CHPT1: variants seen among roughly 807,000 people sequenced by gnomAD.
CHPT1 encodes cholinephosphotransferase 1.
In CHPT1, 36 loss-of-function variants were observed where a neutral mutation model predicts 47.6. The observed-to-expected ratio is 0.76, with a 90% CI of 0.58 to 1.00. The LOEUF (loss-of-function observed/expected upper bound fraction) is 1.00. CHPT1 is among the 50% of genes least tolerant of loss of function. The pLI, the probability that CHPT1 is intolerant of heterozygous loss-of-function variation, is 0.00. For missense variants in CHPT1, 458 were observed against 498.1 expected, an observed-to-expected ratio of 0.92 and a Z score of 0.77; for synonymous variants, 194 against 186.3, an observed-to-expected ratio of 1.04 and a Z score of -0.33.
intron 1 of CHPT1, among the ~76,000 whole-genome samples, chr12:101,706,844 A>G (rs1381419617): frequency 2.6e-5 from 4 of 152,246 alleles, no homozygotes; most frequent in Admixed American, 2.6e-4. Flanking sequence ...ATAATTTCAA[A>G]GCTTTGCTTT....
At chr12:101,721,695 CA>C (rs1437037505) in intron 5 of CHPT1, among the ~76,000 whole-genome samples, 1 of 152,142 alleles carries the variant, frequency 6.6e-6, no homozygotes, top group Non-Finnish European at 1.5e-5. Context: ...TGGATGATAA[CA>C]TAGAACAATA....
intron 8 of CHPT1, chr12:101,727,284 A>C (rs992748026): frequency 2.0e-5 from 3 of 152,186 alleles, no homozygotes; most frequent in African/African-American, 7.2e-5. Context: ...AAGGGATAAA[A>C]TAAGTAAAAG....
At chr12:101,717,375 AGTTGTCCT>A (rs1951779827) in intron 4 of CHPT1, 1 of 446,394 alleles carries the variant, frequency 2.2e-6, no homozygotes, top group Non-Finnish European at 4.5e-6. Context: ...CTGAAGAAAC[AGTTGTCCT>A]GTTACCACAA....
Position 101,723,379 on chromosome 12 carries a change from C to G in CHPT1, c.939+53C>G. 7 of 1,070,402 alleles carry G rather than the reference C, an allele frequency of 6.5e-6. No individual in the cohort carries two copies. The East Asian group carries it at 1.3e-4, about 20-fold the overall frequency. The allele number at this position is 1,070,402 out of a possible 1,614,324, so 66.3% of individuals were successfully genotyped here. A position where few individuals can be genotyped will look rare whatever the true frequency, so the allele number is the denominator to read the frequency against. On this transcript the variant is annotated intron_variant, in intron 6 of 8. Coordinates refer to ENST00000229266, the MANE Select transcript of CHPT1 (RefSeq NM_020244.3). ...AAATAATATACTTAGTCGTCAAACA[C>G]AAAGCTGGAAATTATTTCATAAAAT...
chr12:101,726,651 TA>T (rs1339317148), intron 8 of CHPT1: 3 of 481,578 alleles, frequency 6.2e-6, no homozygotes, highest in Non-Finnish European at 1.0e-5. Context: ...GAAACAAGAC[TA>T]AAGAAATGTC....
chr12:101,718,081 AT>A (rs890495229), intron 4 of CHPT1, among the ~76,000 whole-genome samples: 1 of 152,230 alleles, frequency 6.6e-6, no homozygotes, highest in Non-Finnish European at 1.5e-5. Context: ...AGGCAAAATT[AT>A]GGAGACAGTA....
In CHPT1 at chr12:101,702,229, G is replaced by T. The variant is rs761555879; in HGVS notation, c.273+4095G>T. Among the ~76,000 whole-genome samples, 68 of 152,218 alleles carry T rather than the reference G, an allele frequency of 4.5e-4. No individual in the cohort carries two copies. In the South Asian group the frequency reaches 4.8e-3, roughly 11 times the overall value. ...AACTCCATGCACTTGTGTTTGACTG[G>T]TATAAACTGTTACTCCATTCTCTAT... On this transcript the variant is annotated intron_variant, in intron 1 of 8. Transcript: ENST00000229266.
chr12:101,707,877 T>C (rs1951654522), intron 1 of CHPT1, among the ~76,000 whole-genome samples: 2 of 152,206 alleles, frequency 1.3e-5, no homozygotes. Context: ...ACTGCGTAGT[T>C]CCGTCTCTTA....
intron 7 of CHPT1, among the ~76,000 whole-genome samples, chr12:101,725,116 G>GT (rs764275225): frequency 1.3e-5 from 2 of 152,084 alleles, no homozygotes; most frequent in African/African-American, 2.4e-5. Context: ...AAAAAAATCT[G>GT]TATCTATTCT....
rs1427641748 is a variant in CHPT1, at chr12:101,723,854, AT to A, written c.1065+12del. ...TGTTCTATGGATGGCAATGGTAAGT[AT>A]TTTTCTCCATTTTATTTATTTTTTA... On this transcript the variant is annotated splice_region_variant and intron_variant, in intron 7 of 8. Coordinates refer to ENST00000229266, the MANE Select transcript of CHPT1 (RefSeq NM_020244.3). The A allele has an allele frequency of 2.0e-6, 3 of 1,479,394 alleles. No homozygotes were observed. Among genetic ancestry groups the A allele is most frequent in the East Asian group, 2.3e-5 (1 of 43,674 alleles). 91.6% of individuals were successfully genotyped at this position (1,479,394 alleles called of 1,614,324 possible). A position where few individuals can be genotyped will look rare whatever the true frequency, so the allele number is the denominator to read the frequency against.
chr12:101,706,543 T>C (rs1951636195), intron 1 of CHPT1, among the ~76,000 whole-genome samples: 1 of 152,078 alleles, frequency 6.6e-6, no homozygotes, highest in African/African-American at 2.4e-5. Flanking sequence ...AAATCAGTAT[T>C]TTGAGGCTGT....
In CHPT1 at chr12:101,697,758, G is replaced by A. The variant is rs1001802804; in HGVS notation, c.-104G>A. 1.3e-5 allele frequency: 4 copies of A among 304,274 alleles called. No individual in the cohort carries two copies. The highest frequency in any genetic ancestry group is 1.5e-5 in the Non-Finnish European group (3 of 202,792). 18.8% of individuals were successfully genotyped at this position (304,274 alleles called of 1,614,324 possible). A position where few individuals can be genotyped will look rare whatever the true frequency, so the allele number is the denominator to read the frequency against. On this transcript the variant is annotated 5_prime_UTR_variant, in exon 1 of 9. Transcript: ENST00000229266. ...CGGGCCCGACCGGTGAGTCCAGCCC[G>A]GCAGTCGCAGGACCCGGCCGCCAGC...
At chr12:101,716,916 T>A (rs1951771836) in intron 4 of CHPT1, 104 bp downstream of exon 4, 1 of 400,048 alleles carries the variant, frequency 2.5e-6, no homozygotes, top group Admixed American at 6.9e-5. Flanking sequence ...TGTATTTAAT[T>A]TTTTTTTTTT....
chr12:101,697,855 G>A lies in CHPT1; in HGVS notation c.-7G>A. On this transcript the variant is annotated 5_prime_UTR_variant, in exon 1 of 9. Transcript: ENST00000229266. ...CTCGGTGGCGGCGGCGGGGCCCTCA[G>A]GCGGCCATGGCGGCAGGCGCCGGGG... 1 of 1,133,010 alleles carries A rather than the reference G, an allele frequency of 8.8e-7. No individual in the cohort carries two copies. Among genetic ancestry groups the A allele is most frequent in the Non-Finnish European group, 1.1e-6 (1 of 921,540 alleles). 70.2% of individuals were successfully genotyped at this position (1,133,010 alleles called of 1,614,324 possible). A position where few individuals can be genotyped will look rare whatever the true frequency, so the allele number is the denominator to read the frequency against.
intron 7 of CHPT1, among the ~76,000 whole-genome samples, chr12:101,724,668 T>C (rs1213240975): frequency 1.3e-5 from 2 of 152,198 alleles, no homozygotes; most frequent in Non-Finnish European, 2.9e-5. Context: ...GAGGATAGTG[T>C]ATAATTTGTA....
intron 1 of CHPT1, among the ~76,000 whole-genome samples, chr12:101,711,045 G>A (rs1430427833): frequency 6.7e-6 from 1 of 148,486 alleles, no homozygotes; most frequent in African/African-American, 2.4e-5. Flanking sequence ...AATGGGGAAA[G>A]GATAGTCTCT....
intron 3 of CHPT1, among the ~76,000 whole-genome samples, chr12:101,715,324 A>C (rs752558511): frequency 2.0e-5 from 3 of 152,112 alleles, no homozygotes; most frequent in African/African-American, 4.8e-5. Flanking sequence ...ATGCCTACTG[A>C]TTCTTTTTAG....
intron 1 of CHPT1, among the ~76,000 whole-genome samples, chr12:101,712,363 G>A (rs999864633): frequency 3.4e-5 from 5 of 148,660 alleles, no homozygotes; most frequent in African/African-American, 4.9e-5. Flanking sequence ...ATTTAATTAC[G>A]ATGTGCCTTG....
intron 4 of CHPT1, among the ~76,000 whole-genome samples, chr12:101,717,585 C>G (rs2137019955): frequency 6.6e-6 from 1 of 152,224 alleles, no homozygotes; most frequent in African/African-American, 2.4e-5. Flanking sequence ...TAGTATTATG[C>G]TTTATAAATA....
Sources: allele counts gnomAD v4.1 joint callset (sites outside exome capture counted in the v4.1 genomes callset), GRCh38; gene constraint gnomAD v4.1.1; transcripts MANE v1.5; gene names NCBI Gene and HGNC (gene_info 2026-07-23, HGNC 2026-07-21).